AXDND1: variants seen among roughly 807,000 people sequenced by gnomAD.
AXDND1 encodes axonemal dynein light chain domain containing 1, also known as axonemal dynein light chain domain-containing protein 1.
A neutral mutation model predicts 137.5 loss-of-function variants in AXDND1; 110 were observed. That is an observed-to-expected ratio of 0.80 (90% CI 0.69 to 0.94). The LOEUF (loss-of-function observed/expected upper bound fraction) is 0.94, where lower values mean the gene tolerates loss of function less well. Among genes scored for constraint, AXDND1 ranks in the 40% least tolerant of loss-of-function variants. AXDND1 has a pLI of 0.00. For synonymous variants in AXDND1, 414 were observed against 399.7 expected (o/e 1.04, Z -0.43); for missense variants, 1,191 against 1,169.8 (o/e 1.02, Z -0.26).
chr1:179,481,671 G>A (rs992172623), intron 17 of AXDND1, among the ~76,000 whole-genome samples: 9 of 152,212 alleles, frequency 5.9e-5, no homozygotes, highest in East Asian at 1.9e-4. Flanking sequence ...TTTAATGATC[G>A]CCATTCTAAC....
intron 12 of AXDND1, among the ~76,000 whole-genome samples, chr1:179,422,803 G>T (rs919269611): frequency 2.0e-5 from 3 of 151,664 alleles, no homozygotes; most frequent in African/African-American, 4.9e-5. Context: ...TCACTCTGTT[G>T]CCCAGGCTGG....
At chr1:179,423,570 T>C (rs1290392034) in intron 12 of AXDND1, among the ~76,000 whole-genome samples, 2 of 152,204 alleles carry the variant, frequency 1.3e-5, no homozygotes, top group Non-Finnish European at 2.9e-5. Context: ...TTTTAATTTG[T>C]TGCCTTTTTT....
At chr1:179,444,091 G>GTTTTTTTTTTTTT in intron 15 of AXDND1, among the ~76,000 whole-genome samples, 1 of 144,806 alleles carries the variant, frequency 6.9e-6, no homozygotes, top group Non-Finnish European at 1.5e-5. Flanking sequence ...TGGAGGTTTT[G>GTTTTTTTTTTTTT]ACATGCATAG....
In AXDND1 at chr1:179,468,586, A is replaced by G. The variant is rs748402408; in HGVS notation, c.1942A>G (p.Ile648Val). ...TAATGAAATGAAATCACACTTGGAT[A>G]TATTGTTAAACCTTACTGGTATTGT... ...KINEMKSHLD[I>V]LLNLTGIVPQ... is the part of the protein sequence containing the mutation. The change falls in exon 17 of 26, where the codon ATA becomes GTA. Residue 648 changes from isoleucine to valine, a missense_variant. Transcript: ENST00000367618. The G allele has an allele frequency of 3.7e-6, 6 of 1,612,642 alleles. No individual in the cohort carries two copies.
intron 21 of AXDND1, among the ~76,000 whole-genome samples, chr1:179,511,089 C>G (rs1227564949): frequency 1.3e-5 from 2 of 151,884 alleles, no homozygotes; most frequent in East Asian, 3.9e-4. Context: ...ATCGCTTGAA[C>G]CCAGGAGGTG....
intron 25 of AXDND1, 35 bp downstream of exon 25, chr1:179,534,997 T>C: frequency 6.2e-7 from 1 of 1,605,642 alleles, no homozygotes; most frequent in Non-Finnish European, 8.5e-7. Flanking sequence ...TTATTCAGGT[T>C]GTATTTATGA....
intron 12 of AXDND1, among the ~76,000 whole-genome samples, chr1:179,416,944 C>T (rs1275501297): frequency 6.6e-6 from 1 of 152,218 alleles, no homozygotes; most frequent in African/African-American, 2.4e-5. Context: ...AACTTCCTTG[C>T]ATATACGGCC....
At chr1:179,430,651 A>C in intron 14 of AXDND1, 45 bp downstream of exon 14, 1 of 1,564,586 alleles carries the variant, frequency 6.4e-7, no homozygotes, top group East Asian at 2.2e-5. Flanking sequence ...CTTATGTCTG[A>C]TAACTCAGTC....
chr1:179,508,269 G>A (rs12120740), intron 20 of AXDND1, among the ~76,000 whole-genome samples: 51,467 of 151,216 alleles, frequency 0.34, 8,717 homozygotes, highest in East Asian at 0.4. Context: ...TTAGTGGGTC[G>A]AGGCTGCAGT....
At chr1:179,500,337 ATG>A (rs57654195) in intron 20 of AXDND1, among the ~76,000 whole-genome samples, 20,665 of 133,596 alleles carry the variant, frequency 0.15, 1,493 homozygotes, top group South Asian at 0.26. Context: ...AGGGTACATT[ATG>A]TGTGTGTGTG....
chr1:179,457,990 C>CTTTTTTTTTTTTTTTTTT (rs34295838), intron 16 of AXDND1, among the ~76,000 whole-genome samples: 1 of 145,546 alleles, frequency 6.9e-6, no homozygotes, highest in African/African-American at 2.6e-5. Flanking sequence ...CTTTCCTTCT[C>CTTTTTTTTTTTTTTTTTT]TTTTTTTTTT....
chr1:179,491,720 C>G lies in AXDND1; in HGVS notation c.2274C>G (p.Tyr758Ter). 1 of 1,564,998 alleles carries G rather than the reference C, an allele frequency of 6.4e-7. No homozygotes were observed. The highest frequency in any genetic ancestry group is 2.3e-5 in the East Asian group (1 of 43,036). ...AIELTRKLYQYSSYLSSCCKG... is the reference protein window; with the variant it reads ...AIELTRKLYQ Reference sequence around the variant, plus strand: ...AACTGACAAGGAAGTTGTACCAATACTCCAGCTATTTGAGCAGGTGAAGCG... The same window carrying G: ...AACTGACAAGGAAGTTGTACCAATAGTCCAGCTATTTGAGCAGGTGAAGCG... The change falls in exon 19 of 26, where the codon TAC becomes TAG. Residue 758 changes from tyrosine to a stop codon, truncating the protein, a stop_gained. Transcript: ENST00000367618. LOFTEE classifies it high-confidence loss of function.
At chr1:179,480,008 G>A (rs527932820) in intron 17 of AXDND1, among the ~76,000 whole-genome samples, 3 of 152,280 alleles carry the variant, frequency 2.0e-5, no homozygotes, top group Admixed American at 2.0e-4. Flanking sequence ...TTTGGTCAAA[G>A]CCATTCAACA....
At chr1:179,546,153 T>C (rs1235651324) in intron 25 of AXDND1, 1 of 152,146 alleles carries the variant, frequency 6.6e-6, no homozygotes, top group Non-Finnish European at 1.5e-5. Context: ...AACCTCCCTA[T>C]GGATGAACCA....
intron 20 of AXDND1, among the ~76,000 whole-genome samples, chr1:179,507,861 C>T (rs1014313426): frequency 8.5e-5 from 13 of 152,112 alleles, no homozygotes; most frequent in Middle Eastern, 3.2e-3. Flanking sequence ...AACCCAACAC[C>T]TTCATCTGCC....
At chr1:179,436,415 A>G (rs1658156624) in intron 15 of AXDND1, among the ~76,000 whole-genome samples, 1 of 152,236 alleles carries the variant, frequency 6.6e-6, no homozygotes, top group Non-Finnish European at 1.5e-5. Context: ...AGCACTATTT[A>G]CAACAGCAAA....
At chr1:179,432,960 A>G (rs1004533561) in intron 15 of AXDND1, among the ~76,000 whole-genome samples, 2 of 152,212 alleles carry the variant, frequency 1.3e-5, no homozygotes, top group African/African-American at 4.8e-5. Flanking sequence ...GCAAGTGCTC[A>G]GGGACTTTAA....
intron 21 of AXDND1, among the ~76,000 whole-genome samples, chr1:179,519,462 G>A (rs763527296): frequency 3.3e-5 from 5 of 151,934 alleles, no homozygotes; most frequent in Non-Finnish European, 5.9e-5. Context: ...ATCTTTTCCC[G>A]TTTCTATGTC....
At chr1:179,496,440 G>C (rs939715129) in intron 20 of AXDND1, among the ~76,000 whole-genome samples, 7 of 151,932 alleles carry the variant, frequency 4.6e-5, no homozygotes, top group Non-Finnish European at 7.4e-5. Flanking sequence ...TCTTGAGTGA[G>C]CTTTGGACTT....
Sources: allele counts gnomAD v4.1 joint callset (sites outside exome capture counted in the v4.1 genomes callset), GRCh38; gene constraint gnomAD v4.1.1; transcripts MANE v1.5; gene names NCBI Gene and HGNC (gene_info 2026-07-23, HGNC 2026-07-21).